SHISA9: variants seen among roughly 807,000 people sequenced by gnomAD.
SHISA9 encodes the protein protein shisa-9.
Under a neutral mutation model 38.0 loss-of-function variants are expected in SHISA9, and 13 were observed. That is an observed-to-expected ratio of 0.34 (90% CI 0.22 to 0.54). The LOEUF (loss-of-function observed/expected upper bound fraction) is 0.54, where lower values mean the gene tolerates loss of function less well. Ranked by LOEUF, SHISA9 falls within the 20% of genes least tolerant of loss-of-function variation. SHISA9 has a pLI of 0.91. For synonymous variants in SHISA9, 275 were observed against 242.0 expected (o/e 1.14, Z -1.27); for missense variants, 538 against 575.8 (o/e 0.93, Z 0.67).
intron 2 of SHISA9, among the ~76,000 whole-genome samples, chr16:12,946,965 G>A (rs2071697088): frequency 6.6e-6 from 1 of 152,264 alleles, no homozygotes; most frequent in South Asian, 2.1e-4. Flanking sequence ...CAATAGCAGA[G>A]TTGAGTCGTT....
the SHISA9 span, among the ~76,000 whole-genome samples, chr16:13,550,882 G>C: frequency 6.6e-6 from 1 of 152,050 alleles, no homozygotes; most frequent in Non-Finnish European, 1.5e-5. Context: ...CCAGCACTTT[G>C]GGAGGCCAAC....
chr16:13,274,291 C>A, the SHISA9 span, among the ~76,000 whole-genome samples: 3 of 152,068 alleles, frequency 2.0e-5, no homozygotes, highest in East Asian at 5.8e-4. Flanking sequence ...TACATGAATC[C>A]TTTTTGATGC....
chr16:12,953,159 G>A (rs2071781787), intron 2 of SHISA9, among the ~76,000 whole-genome samples: 1 of 148,640 alleles, frequency 6.7e-6, no homozygotes, highest in Admixed American at 6.9e-5. Context: ...TGGCCCTTGA[G>A]AGGAACCTTA....
chr16:13,280,117 CTTTTT>C, the SHISA9 span, among the ~76,000 whole-genome samples: 789 of 102,808 alleles, frequency 7.7e-3, no homozygotes, highest in African/African-American at 0.028. Flanking sequence ...CTCTCTTTCT[CTTTTT>C]TTTTTTTTTT....
At chr16:13,365,819 G>C in the SHISA9 span, among the ~76,000 whole-genome samples, 1 of 152,108 alleles carries the variant, frequency 6.6e-6, no homozygotes, top group Non-Finnish European at 1.5e-5. Flanking sequence ...GGAACACCAA[G>C]TTGTAATTGT....
chr16:13,098,549 G>A (rs2073849192), intron 2 of SHISA9, among the ~76,000 whole-genome samples: 1 of 152,130 alleles, frequency 6.6e-6, no homozygotes, highest in Non-Finnish European at 1.5e-5. Context: ...GGTTCTCTTT[G>A]TAAAACCCAT....
At chr16:13,444,316 A>T in the SHISA9 span, among the ~76,000 whole-genome samples, 65 of 149,280 alleles carry the variant, frequency 4.4e-4, no homozygotes, top group African/African-American at 1.5e-3. Context: ...AGTTGCAGTG[A>T]GCTGAGATCA....
the SHISA9 span, among the ~76,000 whole-genome samples, chr16:13,390,077 A>C: frequency 6.6e-6 from 1 of 152,156 alleles, no homozygotes; most frequent in South Asian, 2.1e-4. Flanking sequence ...TGGTTTGCTG[A>C]AGTGTGAAGT....
At chr16:13,348,459 T>C in the SHISA9 span, among the ~76,000 whole-genome samples, 1 of 151,968 alleles carries the variant, frequency 6.6e-6, no homozygotes, top group African/African-American at 2.4e-5. Flanking sequence ...TGTACTATTA[T>C]CGCCCTTAAT....
At chr16:13,346,662 A>G in the SHISA9 span, among the ~76,000 whole-genome samples, 9 of 152,172 alleles carry the variant, frequency 5.9e-5, no homozygotes, top group Non-Finnish European at 1.3e-4. Context: ...TTTTTTCTCT[A>G]AGAACTAAAA....
chr16:13,089,213 T>C (rs1002149812), intron 2 of SHISA9, among the ~76,000 whole-genome samples: 4 of 152,258 alleles, frequency 2.6e-5, no homozygotes, highest in Non-Finnish European at 5.9e-5. Flanking sequence ...CAGTATTTTA[T>C]TGAGGATTTA....
chr16:13,047,085 G>A (rs896365122), intron 2 of SHISA9, among the ~76,000 whole-genome samples: 1 of 152,094 alleles, frequency 6.6e-6, no homozygotes, highest in African/African-American at 2.4e-5. Context: ...CAATTTTCTA[G>A]AATGATAAAC....
At chr16:13,320,589 C>T in the SHISA9 span, among the ~76,000 whole-genome samples, 1 of 152,182 alleles carries the variant, frequency 6.6e-6, no homozygotes, top group East Asian at 1.9e-4. Flanking sequence ...ATGAATACAG[C>T]CTCCTGTAGA....
At chr16:13,263,853 C>T in the SHISA9 span, among the ~76,000 whole-genome samples, 1 of 152,024 alleles carries the variant, frequency 6.6e-6, no homozygotes. Flanking sequence ...TTAGAAACTT[C>T]TTGTGATTCT....
At chr16:13,098,953 A>G (rs2073853161) in intron 2 of SHISA9, among the ~76,000 whole-genome samples, 1 of 152,252 alleles carries the variant, frequency 6.6e-6, no homozygotes, top group South Asian at 2.1e-4. Flanking sequence ...TAGTTAAAAG[A>G]AAAGGATTGT....
At chr16:13,136,334 C>T (rs1470983986) in intron 2 of SHISA9, among the ~76,000 whole-genome samples, 1 of 150,548 alleles carries the variant, frequency 6.6e-6, no homozygotes, top group Non-Finnish European at 1.5e-5. Context: ...AGTAGGGGCT[C>T]AGTAAATGTG....
intron 2 of SHISA9, among the ~76,000 whole-genome samples, chr16:12,929,677 A>G (rs1305429523): frequency 6.6e-6 from 1 of 152,074 alleles, no homozygotes. Flanking sequence ...AGAAAAGCTG[A>G]TGGATGCTGG....
chr16:13,082,561 C>G (rs1293881527), intron 2 of SHISA9: 1 of 152,210 alleles, frequency 6.6e-6, no homozygotes, highest in African/African-American at 2.4e-5. Flanking sequence ...CTCTTTCTCT[C>G]TCATTGGCTT....
At chr16:13,180,521 G>A (rs559677386) in intron 2 of SHISA9, among the ~76,000 whole-genome samples, 1 of 152,298 alleles carries the variant, frequency 6.6e-6, no homozygotes, top group Non-Finnish European at 1.5e-5. Context: ...CACACAGTGA[G>A]ACCTTGTGTC....
Sources: allele counts gnomAD v4.1 joint callset (sites outside exome capture counted in the v4.1 genomes callset), GRCh38; gene constraint gnomAD v4.1.1; transcripts MANE v1.5; gene names NCBI Gene and HGNC (gene_info 2026-07-23, HGNC 2026-07-21).